The following ABCA10 variants were observed in gnomAD, a reference collection of about 807,000 sequenced individuals.
ABCA10 encodes the protein ATP-binding cassette sub-family A member 10.
In ABCA10, 169 loss-of-function variants were observed where a neutral mutation model predicts 187.5. The observed-to-expected ratio is 0.90, with a 90% CI of 0.80 to 1.02. ABCA10 has a LOEUF of 1.02. Among genes scored for constraint, ABCA10 ranks in the 50% least tolerant of loss-of-function variants. The probability of loss-of-function intolerance (pLI) is 0.00; values close to 1 mark genes in which losing one functional copy is unlikely to be tolerated. For synonymous variants in ABCA10, 574 were observed against 601.8 expected (o/e 0.95, Z 0.68); for missense variants, 1,727 against 1,812.4 (o/e 0.95, Z 0.86).
At chr17:69,180,937 C>T (rs1318457106) in intron 22 of ABCA10, among the ~76,000 whole-genome samples, 1 of 152,000 alleles carries the variant, frequency 6.6e-6, no homozygotes, top group Non-Finnish European at 1.5e-5. Context: ...AAGAATTTGA[C>T]AATTTAGAAA....
At chr17:69,199,279 T>C (rs946205378) in intron 10 of ABCA10, among the ~76,000 whole-genome samples, 2 of 152,246 alleles carry the variant, frequency 1.3e-5, no homozygotes, top group Non-Finnish European at 2.9e-5. Flanking sequence ...ATCAGTTATC[T>C]ATTTTAGTAT....
chr17:69,155,758 A>G (rs1183573890), intron 29 of ABCA10, 47 bp downstream of exon 29: 3 of 1,586,428 alleles, frequency 1.9e-6, no homozygotes, highest in Admixed American at 3.6e-5. Flanking sequence ...ATTCTAGAGG[A>G]CAAACTATCT....
intron 3 of ABCA10, among the ~76,000 whole-genome samples, chr17:69,224,420 C>T (rs186094362): frequency 2.2e-4 from 33 of 152,176 alleles, no homozygotes; most frequent in African/African-American, 7.9e-4. Flanking sequence ...GCTAAGATTG[C>T]TGAAGAAAAG....
chr17:69,226,680 C>T (rs1860122), intron 2 of ABCA10, among the ~76,000 whole-genome samples: 42,709 of 151,866 alleles, frequency 0.28, 7,519 homozygotes, highest in Middle Eastern at 0.44. Context: ...GATTTTTACT[C>T]ATAGATATTT....
intron 23 of ABCA10, 45 bp downstream of exon 23, chr17:69,175,361 C>A: frequency 6.5e-7 from 1 of 1,533,718 alleles, no homozygotes; most frequent in South Asian, 1.2e-5. Context: ...TTACTACAGT[C>A]AAATAAAATC....
intron 1 of ABCA10, among the ~76,000 whole-genome samples, chr17:69,241,919 T>G (rs1446667671): frequency 6.6e-6 from 1 of 152,202 alleles, no homozygotes. Context: ...CTTTGAAACT[T>G]AAAGACTTTA....
intron 1 of ABCA10, among the ~76,000 whole-genome samples, chr17:69,238,690 A>T (rs1400092474): frequency 6.6e-6 from 1 of 152,204 alleles, no homozygotes; most frequent in Non-Finnish European, 1.5e-5. Flanking sequence ...CCTGAGTTAA[A>T]GGCTATAGAT....
intron 25 of ABCA10, among the ~76,000 whole-genome samples, chr17:69,168,396 A>T (rs2074270325): frequency 6.6e-6 from 1 of 152,134 alleles, no homozygotes; most frequent in Non-Finnish European, 1.5e-5. Context: ...GATTGCAGAA[A>T]ATTTGCTTTG....
intron 12 of ABCA10, 65 bp from the exon 13 acceptor site, chr17:69,194,054 TGTTA>T (rs2074481493): frequency 7.1e-7 from 1 of 1,409,068 alleles, no homozygotes; most frequent in Non-Finnish European, 9.6e-7. Flanking sequence ...TGATAATATA[TGTTA>T]GTATTTAGAT....
intron 3 of ABCA10, among the ~76,000 whole-genome samples, chr17:69,225,074 A>C (rs973040389): frequency 6.6e-6 from 1 of 152,070 alleles, no homozygotes; most frequent in African/African-American, 2.4e-5. Flanking sequence ...CTACTGCAAC[A>C]ATATGTTCTA....
intron 2 of ABCA10, among the ~76,000 whole-genome samples, chr17:69,226,316 T>A (rs549356202): frequency 3.9e-5 from 6 of 152,066 alleles, no homozygotes; most frequent in Non-Finnish European, 8.8e-5. Context: ...ATTGACATAC[T>A]TTTTTTAAAT....
intron 1 of ABCA10, among the ~76,000 whole-genome samples, chr17:69,240,339 T>A (rs2074896337): frequency 6.6e-6 from 1 of 152,174 alleles, no homozygotes; most frequent in African/African-American, 2.4e-5. Context: ...GGGGCTTGTA[T>A]TAGTTTGCTA....
chr17:69,178,134 G>A (rs1202165347), intron 22 of ABCA10, among the ~76,000 whole-genome samples: 1 of 151,100 alleles, frequency 6.6e-6, no homozygotes, highest in Non-Finnish European at 1.5e-5. Flanking sequence ...GCAATATCAG[G>A]CAAGAACCAA....
intron 27 of ABCA10, among the ~76,000 whole-genome samples, chr17:69,162,650 A>G (rs557988282): frequency 9.2e-5 from 14 of 151,964 alleles, no homozygotes; most frequent in Non-Finnish European, 2.1e-4. Flanking sequence ...ATATATGTAA[A>G]TGGCACCCAT....
chr17:69,193,096 A>G lies in ABCA10; in HGVS notation c.1780+14T>C. Reference sequence around the variant, plus strand: ...CCTTAAATAACTAGTTGGAATAAAGAAGCCAAGAATCACCAGCCAAGATGT... The same window carrying G: ...CCTTAAATAACTAGTTGGAATAAAGGAGCCAAGAATCACCAGCCAAGATGT... On this transcript the variant is annotated intron_variant, in intron 15 of 38. Transcript: ENST00000690296. 1 of 1,582,874 alleles carries G rather than the reference A, an allele frequency of 6.3e-7. No homozygotes were observed. Among genetic ancestry groups the G allele is most frequent in the Non-Finnish European group, 8.5e-7 (1 of 1,169,970 alleles).
intron 1 of ABCA10, among the ~76,000 whole-genome samples, chr17:69,240,676 C>T (rs1000773891): frequency 2.0e-5 from 3 of 152,256 alleles, no homozygotes; most frequent in Non-Finnish European, 2.9e-5. Context: ...AGCTGCCTGA[C>T]TTCTCTACAT....
At chr17:69,174,530 G>A in intron 24 of ABCA10, 77 bp downstream of exon 24, 1 of 1,478,000 alleles carries the variant, frequency 6.8e-7, no homozygotes, top group Non-Finnish European at 9.1e-7. Context: ...TTTTGCTAAT[G>A]ACAAAACATT....
chr17:69,230,371 T>C (rs2074824157), upstream of ABCA10, among the ~76,000 whole-genome samples: 1 of 152,104 alleles, frequency 6.6e-6, no homozygotes, highest in Non-Finnish European at 1.5e-5. Context: ...TACGGTACAG[T>C]TGGGAGTCTG....
In ABCA10 at chr17:69,152,404, G is replaced by A; in HGVS notation, c.4214C>T (p.Ala1405Val). The A allele has an allele frequency of 6.2e-7, 1 of 1,614,038 alleles. No homozygotes were observed. The highest frequency in any genetic ancestry group is 8.5e-7 in the Non-Finnish European group (1 of 1,179,976). The change falls in exon 35 of 39, where the codon GCT becomes GTT. Residue 1405 changes from alanine (A) to valine (V), a missense_variant. Coordinates refer to ENST00000690296, the MANE Select transcript of ABCA10 (RefSeq NM_001377321.1). ...LTTHYMSEAE[A>V]VCDRMAMMVS... ...CATCATGGCCATACGGTCACACACAGCCTCAGCCTCTGACATGTAATGGGT... is the reference window on the plus strand; with the variant it reads ...CATCATGGCCATACGGTCACACACAACCTCAGCCTCTGACATGTAATGGGT...
Sources: gnomAD v4.1 joint callset for allele counts (sites outside exome capture counted in the v4.1 genomes callset) on GRCh38, gnomAD v4.1.1 for gene constraint, MANE v1.5 for transcripts, NCBI Gene and HGNC (gene_info 2026-07-23, HGNC 2026-07-21) for gene names.